Variants in NR6A1 observed in about 807,000 individuals in gnomAD.
The protein encoded by NR6A1 is nuclear receptor subfamily 6 group A member 1.
In NR6A1, 7 loss-of-function variants were observed where a neutral mutation model predicts 59.1. The observed-to-expected ratio is 0.12, with a 90% confidence interval of 0.07 to 0.22. The LOEUF (loss-of-function observed/expected upper bound fraction) is 0.22, where lower values mean the gene tolerates loss of function less well. NR6A1 is among the 10% of genes least tolerant of loss of function. NR6A1 has a pLI of 1.00. For synonymous variants in NR6A1, 243 were observed against 236.1 expected, an observed-to-expected ratio of 1.03 and a Z score of -0.27; for missense variants, 468 against 611.6, an observed-to-expected ratio of 0.77 and a Z score of 2.48.
chr9:124,603,911 G>C (rs1835512061), intron 2 of NR6A1, among the ~76,000 whole-genome samples: 2 of 152,154 alleles, frequency 1.3e-5, no homozygotes, highest in African/African-American at 4.8e-5. Flanking sequence ...TGAGGGATTG[G>C]CTGTAATAAA....
Position 124,771,222 on chromosome 9 carries a change from C to T in NR6A1, c.-103G>A, listed in dbSNP as rs1485342930. On this transcript the variant is annotated 5_prime_UTR_variant, in exon 1 of 10. Transcript: ENST00000487099. ...CGAGGGGAGGAGGTTGTCAGGAGCC[C>T]GCGAGCTCCCGGCCGCGGCTCTCTC... The T allele has an allele frequency of 5.1e-6, 3 of 592,984 alleles. No homozygotes were observed. The highest frequency in any genetic ancestry group is 7.0e-5 in the East Asian group (2 of 28,700). The allele number at this position is 592,984 out of a possible 1,614,324, so 36.7% of individuals were successfully genotyped here.
chr9:124,539,963 A>C (rs909383818), intron 5 of NR6A1, 70 bp downstream of exon 5: 4 of 1,487,582 alleles, frequency 2.7e-6, no homozygotes, highest in East Asian at 2.9e-5. Context: ...ACTCAGCCAG[A>C]GGTTTTCTGT....
At chr9:124,639,828 G>T (rs1311226838) in intron 2 of NR6A1, among the ~76,000 whole-genome samples, 1 of 152,220 alleles carries the variant, frequency 6.6e-6, no homozygotes, top group Non-Finnish European at 1.5e-5. Flanking sequence ...CAATAGTATG[G>T]TGAGTTCAGA....
chr9:124,582,010 TGTG>T (rs1031682960), intron 2 of NR6A1, among the ~76,000 whole-genome samples: 4 of 152,204 alleles, frequency 2.6e-5, no homozygotes, highest in African/African-American at 9.7e-5. Flanking sequence ...TAGAAGATGT[TGTG>T]GTGATTTCTC....
chr9:124,707,169 AG>A (rs1839157889), intron 2 of NR6A1, among the ~76,000 whole-genome samples: 1 of 152,116 alleles, frequency 6.6e-6, no homozygotes, highest in Non-Finnish European at 1.5e-5. Flanking sequence ...CAGATCTCAG[AG>A]GTTCTGTTCC....
At chr9:124,728,693 G>C (rs1442332069) in intron 2 of NR6A1, among the ~76,000 whole-genome samples, 1 of 150,518 alleles carries the variant, frequency 6.6e-6, no homozygotes, top group Non-Finnish European at 1.5e-5. Flanking sequence ...AGTCACTTGA[G>C]AGAAAATGCT....
chr9:124,525,572 G>A (rs2131319494), intron 8 of NR6A1, among the ~76,000 whole-genome samples: 1 of 152,018 alleles, frequency 6.6e-6, no homozygotes, highest in African/African-American at 2.4e-5. Context: ...GCTTGGGTTG[G>A]TCTCAAACTC....
intron 2 of NR6A1, among the ~76,000 whole-genome samples, chr9:124,590,346 T>TAA (rs199814231): frequency 1.4e-5 from 2 of 146,848 alleles, no homozygotes; most frequent in East Asian, 2.0e-4. Flanking sequence ...CAAAAGTAGT[T>TAA]AAAAAAAAAA....
chr9:124,651,042 T>C (rs1306617049), intron 2 of NR6A1, among the ~76,000 whole-genome samples: 1 of 152,082 alleles, frequency 6.6e-6, no homozygotes, highest in Admixed American at 6.6e-5. Context: ...ACAATCTGAA[T>C]TGGGTTACTA....
chr9:124,642,011 T>C (rs1432031277), intron 2 of NR6A1, among the ~76,000 whole-genome samples: 2 of 152,146 alleles, frequency 1.3e-5, no homozygotes, highest in African/African-American at 2.4e-5. Flanking sequence ...CTTGGCTCTA[T>C]CACTACCACT....
chr9:124,725,416 C>A (rs1320996843), intron 2 of NR6A1, among the ~76,000 whole-genome samples: 1 of 152,062 alleles, frequency 6.6e-6, no homozygotes, highest in Non-Finnish European at 1.5e-5. Context: ...AAAAAAAAGC[C>A]AAGCCATTTA....
chr9:124,714,531 T>C (rs964898248), intron 2 of NR6A1, among the ~76,000 whole-genome samples: 5 of 152,204 alleles, frequency 3.3e-5, no homozygotes, highest in Non-Finnish European at 7.3e-5. Context: ...CTATCTATCA[T>C]TGTACTGGAA....
intron 1 of NR6A1, among the ~76,000 whole-genome samples, chr9:124,740,866 C>T: frequency 6.6e-6 from 1 of 152,058 alleles, no homozygotes; most frequent in Non-Finnish European, 1.5e-5. Context: ...AAAGATAACC[C>T]CAGCCCTGGG....
In NR6A1 at chr9:124,540,090, G is replaced by T; in HGVS notation, c.539C>A (p.Pro180His). The T allele has an allele frequency of 6.2e-7, 1 of 1,613,892 alleles. No homozygotes were observed. Among genetic ancestry groups the T allele is most frequent in the Non-Finnish European group, 8.5e-7 (1 of 1,179,904 alleles). ...GTTGCTCTCCGAAGCCCTGTTCCCAGGGGAACTGTGGTCACTATCACCATG... is the reference window on the plus strand; with the variant it reads ...GTTGCTCTCCGAAGCCCTGTTCCCATGGGAACTGTGGTCACTATCACCATG... ...SNHGDSDHSSPGNRASESNQP... is the reference protein window; with the variant it reads ...SNHGDSDHSSHGNRASESNQP... The change falls in exon 5 of 10, where the codon CCT becomes CAT. Residue 180 changes from proline (P) to histidine (H), a missense_variant. Pro to His is a moderately conservative substitution (Grantham distance 77). Around this residue, in one of 4 missense-constraint regions of NR6A1, gnomAD observed 151 missense variants for 142.8 expected, o/e 1.06. Transcript: ENST00000487099.
Position 124,733,296 on chromosome 9 carries a change from T to C in NR6A1, c.142+12A>G, listed in dbSNP as rs369380350. 18 of 1,602,644 alleles carry C rather than the reference T, an allele frequency of 1.1e-5. No individual in the cohort carries two copies. The African/African-American group carries it at 1.6e-4, about 14-fold the overall frequency. ...TCTTACCAAAGAATATTGGGTAACA[T>C]TGAGAACTTACTAGTGCCTGGGTCA... On this transcript the variant is annotated intron_variant, in intron 2 of 9. Transcript: ENST00000487099.
In NR6A1 at chr9:124,517,792, C is replaced by T. The variant is rs1832720163; in HGVS notation, c.*4913G>A. On this transcript the variant is annotated 3_prime_UTR_variant, in exon 10 of 10. Transcript: ENST00000487099. ...AGACATCACAATGCAGCCACCAGCC[C>T]CTATGGCAGACCTGGGATGGCAACA... 6.6e-6 allele frequency: 1 copy of T among 152,072 alleles called. No homozygotes were observed. The highest frequency in any genetic ancestry group is 1.5e-5 in the Non-Finnish European group (1 of 68,060). The allele number at this position is 152,072 out of a possible 1,614,324, so 9.4% of individuals were successfully genotyped here.
intron 2 of NR6A1, among the ~76,000 whole-genome samples, chr9:124,620,871 T>C (rs953285063): frequency 6.6e-6 from 1 of 152,122 alleles, no homozygotes; most frequent in African/African-American, 2.4e-5. Context: ...TTTACACTTA[T>C]ATAATGCTCT....
In NR6A1 at chr9:124,522,658, C is replaced by A. The variant is rs762704478; in HGVS notation, c.*47G>T. The A allele has an allele frequency of 2.0e-6, 3 of 1,484,766 alleles. No homozygotes were observed. Among genetic ancestry groups the A allele is most frequent in the South Asian group, 2.4e-5 (2 of 82,118 alleles). 92.0% of individuals were successfully genotyped at this position (1,484,766 alleles called of 1,614,324 possible). On this transcript the variant is annotated 3_prime_UTR_variant, in exon 10 of 10. Coordinates refer to ENST00000487099, the MANE Select transcript of NR6A1 (RefSeq NM_033334.4). The stretch of plus-strand genomic sequence containing the variant: ...GCTTTTCCCTCCAGAGCCTGTCCTG[C>A]CCACCCAAGACGCTGTGGTTGGCCT...
At chr9:124,720,303 A>G (rs1839529080) in intron 2 of NR6A1, among the ~76,000 whole-genome samples, 1 of 152,124 alleles carries the variant, frequency 6.6e-6, no homozygotes, top group Admixed American at 6.5e-5. Context: ...CACCCACCTC[A>G]GCCTCCCAAA....
Sources: gnomAD v4.1 joint callset for allele counts (sites outside exome capture counted in the v4.1 genomes callset) on GRCh38, gnomAD v4.1.1 for gene constraint, gnomAD v4.1.1 regional missense constraint, MANE v1.5 for transcripts, NCBI Gene and HGNC (gene_info 2026-07-23, HGNC 2026-07-21) for gene names.